POTEC: variants seen among roughly 807,000 people sequenced by gnomAD.
POTEC encodes the protein ANKRD26-like family B member 2.
Under a neutral mutation model 62.0 loss-of-function variants are expected in POTEC, and 35 were observed. The ratio of observed to expected loss-of-function variants is 0.56; its 90% CI spans 0.43 to 0.75. The LOEUF is 0.75. POTEC is among the 30% of genes least tolerant of loss of function. The pLI, the probability that POTEC is intolerant of heterozygous loss-of-function variation, is 0.00. For synonymous variants in POTEC, 156 were observed against 221.5 expected (o/e 0.70, Z 2.62); for missense variants, 472 against 655.9 (o/e 0.72, Z 3.06).
chr18:14,512,809 C>T (rs887418498), intron 10 of POTEC, among the ~76,000 whole-genome samples: 3 of 152,162 alleles, frequency 2.0e-5, no homozygotes, highest in East Asian at 1.9e-4. Context: ...ATATATGCAA[C>T]GTGCAGGATT....
chr18:14,527,940 G>A (rs1392653192), intron 6 of POTEC: 2 of 152,220 alleles, frequency 1.3e-5, no homozygotes, highest in Non-Finnish European at 2.9e-5. Context: ...TTTGTCTCCT[G>A]GTTTCTTTAC....
chr18:14,514,809 G>A (rs1249133119), intron 9 of POTEC, among the ~76,000 whole-genome samples: 1 of 152,088 alleles, frequency 6.6e-6, no homozygotes, highest in Non-Finnish European at 1.5e-5. Flanking sequence ...AAACTCTACA[G>A]ACTCCTACAA....
intron 3 of POTEC, among the ~76,000 whole-genome samples, chr18:14,535,314 C>A (rs183760045): frequency 0.068 from 10,161 of 148,418 alleles, 410 homozygotes; most frequent in Non-Finnish European, 0.077. Context: ...AAACAAAAAG[C>A]TTCTTGAGGG....
chr18:14,531,740 T>C (rs548681405), intron 5 of POTEC: 4 of 152,098 alleles, frequency 2.6e-5, no homozygotes, highest in African/African-American at 9.6e-5. Flanking sequence ...TAACTTTCTC[T>C]GTATTGTTCC....
rs1310541790 is a variant in POTEC at position 14,538,230 on chromosome 18, A to G, written c.541T>C (p.Ser181Pro). 2.5e-6 allele frequency: 4 copies of G among 1,609,282 alleles called. No individual in the cohort carries two copies. The Admixed American group carries it at 5.0e-5, about 20-fold the overall frequency. ...KQKRTALHLA[S>P]ANGNSEVVQL... The stretch of plus-strand genomic sequence containing the variant: ...ACTACTTCTGAATTTCCATTGGCAG[A>G]GGCCAAATGTAGAGCAGTCCTATGA... Residue 181 changes from serine to proline, a missense_variant, in exon 2 of 11, where the codon TCT becomes CCT. This residue lies in a region of POTEC where 257 missense variants were observed against 250.7 expected (regional missense o/e 1.03). Coordinates refer to ENST00000358970, the MANE Select transcript of POTEC (RefSeq NM_001137671.2).
At chr18:14,516,329 T>C (rs1312910034) in intron 9 of POTEC, among the ~76,000 whole-genome samples, 1 of 71,156 alleles carries the variant, frequency 1.4e-5, no homozygotes, top group African/African-American at 6.9e-5. Flanking sequence ...TATATATATA[T>C]ATATATACCT....
chr18:14,513,611 T>C lies in POTEC; in HGVS notation c.1533+51A>G, dbSNP rs965312383. On this transcript the variant is annotated intron_variant, in intron 10 of 10. Coordinates refer to ENST00000358970, the MANE Select transcript of POTEC (RefSeq NM_001137671.2). ...TTTATACCTTCCAAAATAAAGCTTT[T>C]TAAAAATATATACACATATGAAAAC... 11 of 1,553,824 alleles carry C rather than the reference T, an allele frequency of 7.1e-6. No homozygotes were observed. The African/African-American group carries it at 1.4e-4, about 20-fold the overall frequency.
chr18:14,522,032 T>A (rs1910324473), intron 9 of POTEC, among the ~76,000 whole-genome samples: 2 of 152,118 alleles, frequency 1.3e-5, no homozygotes, highest in African/African-American at 4.8e-5. Context: ...GAAAAGAAAA[T>A]GCCTTTTCCC....
chr18:14,521,130 G>A (rs1910296938), intron 9 of POTEC, among the ~76,000 whole-genome samples: 1 of 151,998 alleles, frequency 6.6e-6, no homozygotes, highest in African/African-American at 2.4e-5. Context: ...ATTAAATATA[G>A]ATCCCCATGT....
Position 14,543,494 on chromosome 18 carries a change from C to CA in POTEC, c.-349dup. 1 of 450,920 alleles carries CA rather than the reference C, an allele frequency of 2.2e-6. No individual in the cohort carries two copies. 27.9% of individuals were successfully genotyped at this position (450,920 alleles called of 1,614,324 possible). A position where few individuals can be genotyped will look rare whatever the true frequency, so the allele number is the denominator to read the frequency against. ...GCGAGGGAGGAAACGCCAATCCAAGCAAGAAACACCAGGCAAAGCGACTAA... is the reference window on the plus strand; with the variant it reads ...GCGAGGGAGGAAACGCCAATCCAAGCAAAGAAACACCAGGCAAAGCGACTAA... On this transcript the variant is annotated 5_prime_UTR_variant, in exon 1 of 11. Coordinates refer to ENST00000358970, the MANE Select transcript of POTEC (RefSeq NM_001137671.2).
intron 3 of POTEC, among the ~76,000 whole-genome samples, chr18:14,535,239 C>G (rs1228969903): frequency 6.8e-6 from 1 of 147,294 alleles, no homozygotes; most frequent in African/African-American, 2.5e-5. Flanking sequence ...TTTACTGTTT[C>G]CAAGACTCTT....
intron 9 of POTEC, among the ~76,000 whole-genome samples, chr18:14,518,984 T>A (rs1284012329): frequency 6.6e-6 from 1 of 152,168 alleles, no homozygotes; most frequent in Non-Finnish European, 1.5e-5. Context: ...TAAGAATTGA[T>A]GAAAAGGGAA....
At chr18:14,538,973 T>A (rs1458793371) in intron 1 of POTEC, among the ~76,000 whole-genome samples, 2 of 152,162 alleles carry the variant, frequency 1.3e-5, no homozygotes, top group Admixed American at 6.5e-5. Flanking sequence ...CTGGGGCAGT[T>A]CCAGTCAGAT....
rs1348841387 is a variant in POTEC at position 14,516,327 on chromosome 18, TATATATATAC to T, written c.1410-2552_1410-2543del. ...ATATATATATATATATATATATATA[TATATATATAC>T]CTATACCTGAGACTGGGTAATTCAT... On this transcript the variant is annotated intron_variant, in intron 9 of 10. Coordinates refer to ENST00000358970, the MANE Select transcript of POTEC (RefSeq NM_001137671.2). Among the ~76,000 whole-genome samples, 49 of 77,594 alleles carry T rather than the reference TATATATATAC, an allele frequency of 6.3e-4. 1 individual carries two copies. Among genetic ancestry groups the T allele is most frequent in the East Asian group, 2.8e-3 (6 of 2,140 alleles). The allele number at this position is 77,594 out of a possible 152,430, so 50.9% of individuals were successfully genotyped here.
intron 6 of POTEC, 90 bp downstream of exon 6, chr18:14,530,393 A>C: frequency 6.3e-7 from 1 of 1,585,200 alleles, no homozygotes; most frequent in Admixed American, 1.7e-5. Context: ...CCCCCAGCCC[A>C]TGGAAACACT....
intron 8 of POTEC, 92 bp from the exon 9 acceptor site, chr18:14,522,512 A>G: frequency 1.3e-6 from 2 of 1,530,370 alleles, no homozygotes; most frequent in Non-Finnish European, 8.8e-7. Flanking sequence ...TCAGTTTGCC[A>G]TTATTTTAGT....
chr18:14,523,375 A>T (rs1910356496), intron 8 of POTEC, 88 bp downstream of exon 8: 1 of 1,285,748 alleles, frequency 7.8e-7, no homozygotes, highest in Non-Finnish European at 1.1e-6. Context: ...ACATGATAGG[A>T]TCATGTATGC....
chr18:14,507,811 C>A lies in POTEC; in HGVS notation c.*4087G>T, dbSNP rs78913709. On this transcript the variant is annotated 3_prime_UTR_variant, in exon 11 of 11. Coordinates refer to ENST00000358970, the MANE Select transcript of POTEC (RefSeq NM_001137671.2). Reference sequence around the variant, plus strand: ...CCCTCAGCATTTGCTTGTCTGAAAACGATCTTGTTTCTCCTTCACTTATGA... The same window carrying A: ...CCCTCAGCATTTGCTTGTCTGAAAAAGATCTTGTTTCTCCTTCACTTATGA... 1 of 152,202 alleles carries A rather than the reference C, an allele frequency of 6.6e-6. No homozygotes were observed. The highest frequency in any genetic ancestry group is 1.9e-4 in the East Asian group (1 of 5,184). The allele number at this position is 152,202 out of a possible 1,614,324, so 9.4% of individuals were successfully genotyped here.
At chr18:14,538,614 T>C (rs1288139688) in intron 1 of POTEC, among the ~76,000 whole-genome samples, 14 of 151,622 alleles carry the variant, frequency 9.2e-5, no homozygotes, top group Admixed American at 9.2e-4. Context: ...AATAAGACTC[T>C]ACACAAAATA....
Sources: allele counts gnomAD v4.1 joint callset (sites outside exome capture counted in the v4.1 genomes callset), GRCh38; gene constraint gnomAD v4.1.1; regional missense constraint gnomAD v4.1.1; transcripts MANE v1.5; gene names NCBI Gene and HGNC (gene_info 2026-07-23, HGNC 2026-07-21).